Variants in TMEM132C observed in about 807,000 individuals in gnomAD.
TMEM132C encodes the protein protein phosphatase 1, regulatory subunit 152.
A neutral mutation model predicts 61.4 loss-of-function variants in TMEM132C; 29 were observed. The observed-to-expected ratio is 0.47, with a 90% CI of 0.35 to 0.64. The LOEUF is 0.64. Among genes scored for constraint, TMEM132C ranks in the 30% least tolerant of loss-of-function variants. The probability of loss-of-function intolerance (pLI) is 0.00; values close to 1 mark genes in which losing one functional copy is unlikely to be tolerated. For missense variants in TMEM132C, 1,408 were observed against 1,476.9 expected, an observed-to-expected ratio of 0.95 and a Z score of 0.76; for synonymous variants, 656 against 633.1, an observed-to-expected ratio of 1.04 and a Z score of -0.54.
chr12:128,318,170 A>G (rs1455089709), intron 1 of TMEM132C, among the ~76,000 whole-genome samples: 1 of 152,200 alleles, frequency 6.6e-6, no homozygotes, highest in African/African-American at 2.4e-5. Flanking sequence ...AGAAGTTTGG[A>G]AAAAATACTG....
intron 3 of TMEM132C, among the ~76,000 whole-genome samples, chr12:128,606,798 G>A (rs915944820): frequency 5.8e-4 from 89 of 152,196 alleles, no homozygotes; most frequent in Non-Finnish European, 4.7e-4. Flanking sequence ...CAAAGGGGCA[G>A]GTCTCGGTTC....
rs769921191 is a variant in TMEM132C at position 128,290,848 on chromosome 12, C to CAA, written c.85+23374_85+23375dup. ...ACTTTGCCTTCTGTGGCTCATTTAACAAAAAAAAAAAAAAGAAATAAGTGA... is the reference window on the plus strand; with the variant it reads ...ACTTTGCCTTCTGTGGCTCATTTAACAAAAAAAAAAAAAAAAGAAATAAGTGA... On this transcript the variant is annotated intron_variant, in intron 1 of 8. Coordinates refer to ENST00000435159, the MANE Select transcript of TMEM132C (RefSeq NM_001136103.3). 6.8e-3 allele frequency among the ~76,000 whole-genome samples: 945 copies of CAA among 139,682 alleles called. 10 individuals carry two copies. Among genetic ancestry groups the CAA allele is most frequent in the African/African-American group, 0.02 (702 of 35,650 alleles). 91.6% of individuals were successfully genotyped at this position (139,682 alleles called of 152,430 possible).
intron 2 of TMEM132C, among the ~76,000 whole-genome samples, chr12:128,463,077 G>A (rs368811583): frequency 1.3e-5 from 2 of 152,214 alleles, no homozygotes; most frequent in East Asian, 1.9e-4. Context: ...GAGACATCCT[G>A]GCCAAAGCTA....
At chr12:128,514,203 T>A (rs1241021048) in intron 2 of TMEM132C, among the ~76,000 whole-genome samples, 1 of 152,208 alleles carries the variant, frequency 6.6e-6, no homozygotes, top group African/African-American at 2.4e-5. Context: ...GAAACATTTA[T>A]GAAAGAATTT....
intron 1 of TMEM132C, among the ~76,000 whole-genome samples, chr12:128,370,936 AT>A: frequency 1.3e-5 from 2 of 152,280 alleles, no homozygotes; most frequent in South Asian, 4.1e-4. Flanking sequence ...ATACTAACTC[AT>A]TTAATTCTCA....
At chr12:128,439,971 TC>T (rs1327436277) in intron 2 of TMEM132C, among the ~76,000 whole-genome samples, 1 of 152,252 alleles carries the variant, frequency 6.6e-6, no homozygotes, top group Non-Finnish European at 1.5e-5. Context: ...TCTGGCTGCT[TC>T]ATAGGGTATG....
chr12:128,511,777 A>C (rs1271679625), intron 2 of TMEM132C, among the ~76,000 whole-genome samples: 1 of 152,100 alleles, frequency 6.6e-6, no homozygotes, highest in Admixed American at 6.5e-5. Flanking sequence ...ACCCCACCCC[A>C]AGGTGCAATG....
At chr12:128,450,297 A>G (rs1162485054) in intron 2 of TMEM132C, among the ~76,000 whole-genome samples, 1 of 152,202 alleles carries the variant, frequency 6.6e-6, no homozygotes, top group Non-Finnish European at 1.5e-5. Context: ...AAGAAGCCCT[A>G]CCTTGAACTC....
intron 4 of TMEM132C, among the ~76,000 whole-genome samples, chr12:128,648,977 G>A (rs1267592835): frequency 6.7e-6 from 1 of 150,234 alleles, no homozygotes; most frequent in Non-Finnish European, 1.5e-5. Context: ...AGTGTGTTTA[G>A]CTCAGTCCAT....
At chr12:128,446,408 T>C (rs959796422) in intron 2 of TMEM132C, among the ~76,000 whole-genome samples, 20 of 152,304 alleles carry the variant, frequency 1.3e-4, no homozygotes, top group African/African-American at 4.6e-4. Flanking sequence ...AGCCCACAAA[T>C]GCCAAGCGTC....
chr12:128,305,187 A>G (rs1871727593), intron 1 of TMEM132C, among the ~76,000 whole-genome samples: 1 of 152,130 alleles, frequency 6.6e-6, no homozygotes, highest in Admixed American at 6.5e-5. Context: ...GGCCTCGGCA[A>G]CACAGTAGGA....
chr12:128,507,402 CTT>C (rs111625089), intron 2 of TMEM132C, among the ~76,000 whole-genome samples: 45,454 of 112,836 alleles, frequency 0.4, 8,235 homozygotes, highest in East Asian at 0.55. Flanking sequence ...TTTTTTCTTT[CTT>C]TTTTTTTTTT....
intron 1 of TMEM132C, among the ~76,000 whole-genome samples, chr12:128,388,285 C>T (rs1386181391): frequency 1.3e-5 from 2 of 152,232 alleles, no homozygotes; most frequent in East Asian, 1.9e-4. Context: ...CAAGGGACGG[C>T]CCCTCCCTGA....
intron 1 of TMEM132C, among the ~76,000 whole-genome samples, chr12:128,389,932 G>A (rs1874710155): frequency 6.6e-6 from 1 of 152,214 alleles, no homozygotes; most frequent in African/African-American, 2.4e-5. Flanking sequence ...ATGCTGACGT[G>A]CAGTGGCGCA....
At chr12:128,605,378 C>T (rs913903876) in intron 3 of TMEM132C, among the ~76,000 whole-genome samples, 2 of 152,114 alleles carry the variant, frequency 1.3e-5, no homozygotes, top group African/African-American at 4.8e-5. Context: ...AGAGTCAGCC[C>T]TTTTGTTCTG....
chr12:128,279,351 G>A (rs1445651051), intron 1 of TMEM132C, among the ~76,000 whole-genome samples: 2 of 152,044 alleles, frequency 1.3e-5, no homozygotes, highest in African/African-American at 2.4e-5. Flanking sequence ...TCATTAGCCC[G>A]ACGGGAAGAT....
intron 1 of TMEM132C, among the ~76,000 whole-genome samples, chr12:128,381,118 C>G (rs1874384140): frequency 6.6e-6 from 1 of 152,174 alleles, no homozygotes; most frequent in South Asian, 2.1e-4. Context: ...AGGCCACTTG[C>G]TTATATGTAG....
intron 2 of TMEM132C, among the ~76,000 whole-genome samples, chr12:128,429,788 C>T (rs1355715557): frequency 1.3e-5 from 2 of 152,306 alleles, no homozygotes; most frequent in East Asian, 1.9e-4. Context: ...AAGAGTGTCA[C>T]ACCTTCATTA....
chr12:128,555,593 T>C (rs1011262967), intron 3 of TMEM132C, among the ~76,000 whole-genome samples: 3 of 152,176 alleles, frequency 2.0e-5, no homozygotes, highest in African/African-American at 4.8e-5. Flanking sequence ...TCCATAAAAT[T>C]GTCCCTCCTT....
Sources: allele counts gnomAD v4.1 joint callset (sites outside exome capture counted in the v4.1 genomes callset), GRCh38; gene constraint gnomAD v4.1.1; transcripts MANE v1.5; gene names NCBI Gene and HGNC (gene_info 2026-07-23, HGNC 2026-07-21).